The following CNTN4 variants were observed in gnomAD, a reference collection of about 807,000 sequenced individuals.
CNTN4 encodes the protein contactin 4, also known as contactin-4.
In CNTN4, 77 loss-of-function variants were observed where a neutral mutation model predicts 122.5. That is an observed-to-expected ratio of 0.63 (90% CI 0.52 to 0.76). The LOEUF (loss-of-function observed/expected upper bound fraction) is 0.76. Among genes scored for constraint, CNTN4 ranks in the 30% least tolerant of loss-of-function variants. CNTN4 has a pLI of 0.00. For missense variants in CNTN4, 1,256 were observed against 1,259.1 expected (o/e 1.00, Z 0.04); for synonymous variants, 512 against 447.0 (o/e 1.15, Z -1.83).
chr3:2,382,906 C>G (rs998014955), intron 3 of CNTN4, among the ~76,000 whole-genome samples: 1 of 152,092 alleles, frequency 6.6e-6, no homozygotes, highest in Non-Finnish European at 1.5e-5. Flanking sequence ...AAACCCCCAT[C>G]TCTACTAAAA....
At chr3:2,931,687 G>A (rs1165465530) in intron 13 of CNTN4, among the ~76,000 whole-genome samples, 1 of 151,846 alleles carries the variant, frequency 6.6e-6, no homozygotes, top group Admixed American at 6.6e-5. Flanking sequence ...GGACAGCAGT[G>A]GTGAGATTAT....
intron 3 of CNTN4, among the ~76,000 whole-genome samples, chr3:2,551,838 G>A (rs1056529539): frequency 6.6e-6 from 1 of 151,944 alleles, no homozygotes; most frequent in Non-Finnish European, 1.5e-5. Context: ...GCTTTTTAAA[G>A]GTTTTTTTCT....
chr3:2,610,046 G>A (rs1257470152), intron 4 of CNTN4, among the ~76,000 whole-genome samples: 3 of 152,096 alleles, frequency 2.0e-5, no homozygotes, highest in African/African-American at 7.2e-5. Context: ...GCACATGGTA[G>A]GTAATTAACT....
chr3:2,181,414 A>G (rs1223964812), intron 2 of CNTN4, among the ~76,000 whole-genome samples: 3 of 152,088 alleles, frequency 2.0e-5, no homozygotes, highest in Admixed American at 6.6e-5. Context: ...CACATTTAGT[A>G]GAACGTATCA....
Position 3,008,881 on chromosome 3 carries a change from C to T in CNTN4, c.1487-17221C>T, listed in dbSNP as rs545589741. 1.5e-4 allele frequency: 137 copies of T among 905,088 alleles called. No homozygotes were observed. In the African/African-American group the frequency reaches 2.2e-3, roughly 15 times the overall value. 56.1% of individuals were successfully genotyped at this position (905,088 alleles called of 1,614,324 possible). A position where few individuals can be genotyped will look rare whatever the true frequency, so the allele number is the denominator to read the frequency against. ...AGCAGGCATTCGGGTTTCCCATTGT[C>T]CTCGGCATTCTAGGGCAAACCACCA... On this transcript the variant is annotated intron_variant, in intron 14 of 24. Transcript: ENST00000418658.
chr3:3,037,903 G>A (rs749699203), intron 18 of CNTN4, among the ~76,000 whole-genome samples: 44 of 152,150 alleles, frequency 2.9e-4, no homozygotes, highest in Non-Finnish European at 4.3e-4. Flanking sequence ...GAATGAGCAC[G>A]GGGAGAGAAG....
At chr3:2,612,128 ACAC>A (rs1481031670) in intron 4 of CNTN4, among the ~76,000 whole-genome samples, 1 of 133,572 alleles carries the variant, frequency 7.5e-6, no homozygotes, top group Non-Finnish European at 1.6e-5. Context: ...ACACACACAC[ACAC>A]ACACACACAA....
chr3:2,826,213 G>C (rs1337382970), intron 7 of CNTN4, among the ~76,000 whole-genome samples: 2 of 152,050 alleles, frequency 1.3e-5, no homozygotes, highest in African/African-American at 4.8e-5. Flanking sequence ...GTTCTTTGGC[G>C]CTCACCCCAG....
chr3:2,224,298 T>TTC (rs1366784874), intron 2 of CNTN4, among the ~76,000 whole-genome samples: 1 of 152,160 alleles, frequency 6.6e-6, no homozygotes, highest in African/African-American at 2.4e-5. Context: ...TGTGACCAGC[T>TTC]TCTCCTTCCT....
chr3:2,215,108 T>C (rs111735678), intron 2 of CNTN4, among the ~76,000 whole-genome samples: 2,210 of 152,354 alleles, frequency 0.015, 49 homozygotes, highest in African/African-American at 0.05. Flanking sequence ...ATCTCTTCTT[T>C]TCTGCCTCTT....
chr3:2,810,469 AGAG>A (rs2150135090), intron 6 of CNTN4, among the ~76,000 whole-genome samples: 1 of 152,330 alleles, frequency 6.6e-6, no homozygotes, highest in South Asian at 2.1e-4. Flanking sequence ...AAGAAGAGAA[AGAG>A]GAGAATAACC....
intron 4 of CNTN4, among the ~76,000 whole-genome samples, chr3:2,683,478 ACACATGTC>A (rs201920835): frequency 0.014 from 2,101 of 152,216 alleles, 37 homozygotes; most frequent in African/African-American, 0.047. Context: ...GTCTCTCTGA[ACACATGTC>A]CACATGTTGA....
Position 3,030,632 on chromosome 3 carries a change from G to A in CNTN4, c.1663-223G>A, listed in dbSNP as rs562934384. 1.6e-3 allele frequency among the ~76,000 whole-genome samples: 237 copies of A among 152,324 alleles called. 3 individuals are homozygous for A. Among genetic ancestry groups the A allele is most frequent in the African/African-American group, 5.6e-3 (231 of 41,570 alleles). Reference sequence around the variant, plus strand: ...GGTGCCAAACTGCTCCAGAGACTCAGAGAAGCCAGACACCTGAGGTCTTGT... The same window carrying A: ...GGTGCCAAACTGCTCCAGAGACTCAAAGAAGCCAGACACCTGAGGTCTTGT... On this transcript the variant is annotated intron_variant, in intron 15 of 24. Transcript: ENST00000418658.
intron 4 of CNTN4, among the ~76,000 whole-genome samples, chr3:2,673,500 G>C (rs1004888987): frequency 1.3e-5 from 2 of 152,132 alleles, no homozygotes; most frequent in Admixed American, 6.5e-5. Context: ...GCTTTGATCA[G>C]TAGAATGTGG....
At chr3:2,294,288 C>CTTTTTTTTTTTTTTTTTTTTTTTTTTTT (rs71058604) in intron 2 of CNTN4, among the ~76,000 whole-genome samples, 2 of 135,614 alleles carry the variant, frequency 1.5e-5, no homozygotes, top group African/African-American at 2.7e-5. Flanking sequence ...AGAGTTGTGA[C>CTTTTTTTTTTTTTTTTTTTTTTTTTTTT]TTTTTTTTTT....
intron 23 of CNTN4, 38 bp from the exon 24 acceptor site, chr3:3,053,769 A>C: frequency 7.5e-6 from 12 of 1,608,978 alleles, no homozygotes; most frequent in African/African-American, 1.3e-5. Context: ...GACCTTTGTG[A>C]AGACGGCAGG....
At chr3:2,202,297 G>A (rs1383414737) in intron 2 of CNTN4, among the ~76,000 whole-genome samples, 1 of 152,166 alleles carries the variant, frequency 6.6e-6, no homozygotes, top group Non-Finnish European at 1.5e-5. Flanking sequence ...TAAAGTAGCA[G>A]GATAATCAGC....
chr3:2,539,806 A>G (rs1183880005), intron 3 of CNTN4, among the ~76,000 whole-genome samples: 1 of 152,002 alleles, frequency 6.6e-6, no homozygotes, highest in African/African-American at 2.4e-5. Flanking sequence ...ATAAAATGGC[A>G]TTTTTTTCCC....
rs112633456 is a variant in CNTN4, at chr3:3,006,038, C to A, written c.1486+17566C>A. Among the ~76,000 whole-genome samples the A allele has an allele frequency of 7.4e-3, 1,118 of 151,796 alleles. 11 individuals are homozygous for A. The highest frequency in any genetic ancestry group is 9.5e-3 in the Non-Finnish European group (648 of 67,870). On this transcript the variant is annotated intron_variant, in intron 14 of 24. Transcript: ENST00000418658. ...GTAGCTGGGACTACAGGCGCCCACC[C>A]CCACGCTCGGCTAATTTTTTTTTGC...
Sources: allele counts gnomAD v4.1 joint callset (sites outside exome capture counted in the v4.1 genomes callset), GRCh38; gene constraint gnomAD v4.1.1; transcripts MANE v1.5; gene names NCBI Gene and HGNC (gene_info 2026-07-23, HGNC 2026-07-21).